NCKAP5: variants seen among roughly 807,000 people sequenced by gnomAD.
NCKAP5 encodes the protein nck-associated protein 5.
A neutral mutation model predicts 167.0 loss-of-function variants in NCKAP5; 92 were observed. The observed-to-expected ratio is 0.55, with a 90% CI of 0.47 to 0.66. The LOEUF is 0.66. Ranked by LOEUF, NCKAP5 falls within the 30% of genes least tolerant of loss-of-function variation. NCKAP5 has a pLI of 0.00. For synonymous variants in NCKAP5, 891 were observed against 877.4 expected, an observed-to-expected ratio of 1.02 and a Z score of -0.27; for missense variants, 2,378 against 2,315.0, an observed-to-expected ratio of 1.03 and a Z score of -0.56.
the NCKAP5 span, among the ~76,000 whole-genome samples, chr2:133,580,256 A>T: frequency 6.6e-6 from 1 of 152,212 alleles, no homozygotes; most frequent in South Asian, 2.1e-4. Flanking sequence ...TGCAGGAGAA[A>T]ATAGAAGAAA....
intron 19 of NCKAP5, among the ~76,000 whole-genome samples, chr2:132,694,874 T>C (rs1006008427): frequency 5.3e-5 from 8 of 152,216 alleles, no homozygotes; most frequent in African/African-American, 1.4e-4. Flanking sequence ...GTCTCCAGCA[T>C]GGACCTTGTC....
intron 16 of NCKAP5, among the ~76,000 whole-genome samples, chr2:132,755,049 G>A (rs547808973): frequency 6.6e-6 from 1 of 152,202 alleles, no homozygotes; most frequent in Non-Finnish European, 1.5e-5. Context: ...CTTGGTTTAT[G>A]GCTGTGCCTT....
rs1689370324 is a variant in NCKAP5, at chr2:132,855,180, C to T, written c.807+5312G>A. On this transcript the variant is annotated intron_variant, in intron 11 of 19. Coordinates refer to ENST00000409261, the MANE Select transcript of NCKAP5 (RefSeq NM_207363.3). Reference sequence around the variant, plus strand: ...ATTTTTCAAAGTGTCCCTTACCTCTCAAAGGGGCCACTTTCTGCACGTCTG... The same window carrying T: ...ATTTTTCAAAGTGTCCCTTACCTCTTAAAGGGGCCACTTTCTGCACGTCTG... 2.6e-5 allele frequency among the ~76,000 whole-genome samples: 4 copies of T among 152,166 alleles called. No individual in the cohort carries two copies. In the South Asian group the frequency reaches 8.3e-4, roughly 32 times the overall value.
At chr2:133,139,721 C>T (rs1434227) in intron 5 of NCKAP5, among the ~76,000 whole-genome samples, 52,224 of 152,040 alleles carry the variant, frequency 0.34, 10,145 homozygotes, top group East Asian at 0.55. Flanking sequence ...ACAATTTCCT[C>T]ACTGTCATTC....
intron 3 of NCKAP5, among the ~76,000 whole-genome samples, chr2:133,480,850 T>C (rs79587399): frequency 6.6e-6 from 1 of 152,320 alleles, no homozygotes; most frequent in Non-Finnish European, 1.5e-5. Flanking sequence ...CGTGACAAGA[T>C]TCCCAAACTG....
At chr2:132,795,503 C>G (rs761812735) in intron 12 of NCKAP5, among the ~76,000 whole-genome samples, 14 of 152,030 alleles carry the variant, frequency 9.2e-5, no homozygotes, top group Non-Finnish European at 1.2e-4. Context: ...AGTATAAAAT[C>G]TACAATTTTA....
the NCKAP5 span, among the ~76,000 whole-genome samples, chr2:133,618,490 C>T: frequency 1.5e-3 from 225 of 148,322 alleles, no homozygotes; most frequent in African/African-American, 5.0e-3. Flanking sequence ...AAAAAGTGGG[C>T]GAAGGACATG....
At chr2:133,658,049 A>G in the NCKAP5 span, among the ~76,000 whole-genome samples, 1 of 152,060 alleles carries the variant, frequency 6.6e-6, no homozygotes, top group African/African-American at 2.4e-5. Context: ...TGAATCTATG[A>G]CTCGGCTCAT....
At chr2:133,205,135 T>TA (rs971529083) in intron 5 of NCKAP5, among the ~76,000 whole-genome samples, 28 of 151,010 alleles carry the variant, frequency 1.9e-4, no homozygotes, top group African/African-American at 5.6e-4. Context: ...CAAAAAAATT[T>TA]AAAAAAAAAT....
chr2:132,946,103 TA>T (rs1697702235), intron 8 of NCKAP5, among the ~76,000 whole-genome samples: 1 of 152,052 alleles, frequency 6.6e-6, no homozygotes, highest in Non-Finnish European at 1.5e-5. Flanking sequence ...ATAGAGGAAA[TA>T]AGTGAAATGG....
At chr2:132,976,965 AC>A (rs1476096206) in intron 7 of NCKAP5, among the ~76,000 whole-genome samples, 1 of 152,204 alleles carries the variant, frequency 6.6e-6, no homozygotes, top group African/African-American at 2.4e-5. Flanking sequence ...TTAAAAAGCA[AC>A]TGCTTCTATA....
chr2:133,217,245 T>C (rs1201151697), intron 4 of NCKAP5, among the ~76,000 whole-genome samples: 1 of 152,114 alleles, frequency 6.6e-6, no homozygotes, highest in Admixed American at 6.5e-5. Context: ...AAGTATAAAG[T>C]ACGCAGAAAA....
chr2:133,360,637 A>G (rs1173353485), intron 3 of NCKAP5, among the ~76,000 whole-genome samples: 1 of 152,122 alleles, frequency 6.6e-6, no homozygotes, highest in Non-Finnish European at 1.5e-5. Flanking sequence ...CCCTCCTCCC[A>G]GAAGCCGAGA....
upstream of NCKAP5, among the ~76,000 whole-genome samples, chr2:133,572,654 T>G (rs1242403853): frequency 6.6e-6 from 1 of 152,212 alleles, no homozygotes; most frequent in East Asian, 1.9e-4. Flanking sequence ...GAGCTAATTG[T>G]TCTACCAGGG....
chr2:133,573,942 T>C, the NCKAP5 span, among the ~76,000 whole-genome samples: 1 of 152,188 alleles, frequency 6.6e-6, no homozygotes, highest in Non-Finnish European at 1.5e-5. Flanking sequence ...CCTTTTAACC[T>C]GCGAACAGAG....
rs141218650 is a variant in NCKAP5 at position 133,460,981 on chromosome 2, T to A, written c.69+56477A>T. Reference sequence around the variant, plus strand: ...ACAAAGAAAAATCTATTAAAATGATTTTTCTAAATTTGGTTTGGAAGAGAA... The same window carrying A: ...ACAAAGAAAAATCTATTAAAATGATATTTCTAAATTTGGTTTGGAAGAGAA... On this transcript the variant is annotated intron_variant, in intron 3 of 19. Coordinates refer to ENST00000409261, the MANE Select transcript of NCKAP5 (RefSeq NM_207363.3). Among the ~76,000 whole-genome samples, 233 of 152,300 alleles carry A rather than the reference T, an allele frequency of 1.5e-3. 4 individuals carry two copies. The highest frequency in any genetic ancestry group is 5.2e-3 in the African/African-American group (215 of 41,560).
At chr2:132,791,925 G>A (rs1684101979) in intron 12 of NCKAP5, among the ~76,000 whole-genome samples, 1 of 152,214 alleles carries the variant, frequency 6.6e-6, no homozygotes, top group Admixed American at 6.5e-5. Flanking sequence ...ATGTCCATGT[G>A]TATACCTCCT....
rs6715221 is a variant in NCKAP5 at position 132,991,274 on chromosome 2, C to T, written c.429+2878G>A. On this transcript the variant is annotated intron_variant, in intron 7 of 19. Transcript: ENST00000409261. The stretch of plus-strand genomic sequence containing the variant: ...TACAGTCTAGTCACATTTGATGGGG[C>T]TCTGAACTAGGTAAATTTGAAACTG... Among the ~76,000 whole-genome samples, 683 of 152,238 alleles carry T rather than the reference C, an allele frequency of 4.5e-3. 2 individuals are homozygous for T. Among genetic ancestry groups the T allele is most frequent in the African/African-American group, 0.016 (654 of 41,548 alleles).
At chr2:133,226,852 T>C (rs2086917256) in intron 4 of NCKAP5, among the ~76,000 whole-genome samples, 2 of 152,178 alleles carry the variant, frequency 1.3e-5, no homozygotes, top group Admixed American at 6.5e-5. Flanking sequence ...TCTGCAGTAC[T>C]TTGTTACAGC....
Sources: gnomAD v4.1 joint callset for allele counts (sites outside exome capture counted in the v4.1 genomes callset) on GRCh38, gnomAD v4.1.1 for gene constraint, MANE v1.5 for transcripts, NCBI Gene and HGNC (gene_info 2026-07-23, HGNC 2026-07-21) for gene names.